PBX1: variants seen among roughly 807,000 people sequenced by gnomAD.
The protein encoded by PBX1 is pre-B-cell leukemia transcription factor 1.
In PBX1, 6 loss-of-function variants were observed where a neutral mutation model predicts 53.4. The ratio of observed to expected loss-of-function variants is 0.11; its 90% CI spans 0.06 to 0.22. PBX1 has a LOEUF of 0.22. PBX1 is among the 10% of genes least tolerant of loss of function. The pLI is 1.00. For synonymous variants in PBX1, 204 were observed against 212.3 expected (o/e 0.96, Z 0.34); for missense variants, 251 against 551.4 (o/e 0.46, Z 5.46).
intron 4 of PBX1, among the ~76,000 whole-genome samples, chr1:164,806,615 G>C (rs1016331604): frequency 6.6e-6 from 1 of 152,188 alleles, no homozygotes; most frequent in African/African-American, 2.4e-5. Context: ...GTTTTGTAGT[G>C]GTCAGACCTG....
intron 2 of PBX1, among the ~76,000 whole-genome samples, chr1:164,878,216 C>T (rs541157373): frequency 6.6e-6 from 1 of 152,046 alleles, no homozygotes; most frequent in Admixed American, 6.5e-5. Flanking sequence ...TGTTTTTTTC[C>T]TCCATAATTA....
chr1:164,864,404 C>G (rs1048076376), intron 2 of PBX1, among the ~76,000 whole-genome samples: 1 of 152,200 alleles, frequency 6.6e-6, no homozygotes, highest in Non-Finnish European at 1.5e-5. Flanking sequence ...GGAGCCCCAG[C>G]CTCTGTTGCC....
chr1:164,568,703 A>T (rs893298384), intron 2 of PBX1, among the ~76,000 whole-genome samples: 1 of 152,214 alleles, frequency 6.6e-6, no homozygotes. Flanking sequence ...GGCTAAAAAA[A>T]ATGTACGTCT....
At chr1:164,815,258 T>C (rs557414170) in intron 6 of PBX1, 1 of 152,370 alleles carries the variant, frequency 6.6e-6, no homozygotes, top group South Asian at 2.1e-4. Flanking sequence ...AGAAATTGAC[T>C]TGTGCATTAC....
intron 2 of PBX1, chr1:164,680,160 A>G (rs1316486642): frequency 2.0e-5 from 3 of 152,228 alleles, no homozygotes; most frequent in Non-Finnish European, 4.4e-5. Flanking sequence ...TGAAAGTGGA[A>G]GGAAAATCTA....
At chr1:164,862,100 C>T (rs1558050943) in intron 2 of PBX1, among the ~76,000 whole-genome samples, 2 of 152,144 alleles carry the variant, frequency 1.3e-5, no homozygotes, top group Admixed American at 1.3e-4. Context: ...GGCAGCAGTG[C>T]TGTGAATAGA....
chr1:164,792,460 C>T (rs1325823010), intron 2 of PBX1, 34 bp from the exon 3 acceptor site: 2 of 1,611,420 alleles, frequency 1.2e-6, no homozygotes, highest in Non-Finnish European at 1.7e-6. Flanking sequence ...TCTTGGGTTA[C>T]TATTAACGCT....
intron 2 of PBX1, among the ~76,000 whole-genome samples, chr1:164,689,881 T>C (rs1041854804): frequency 6.6e-6 from 1 of 152,032 alleles, no homozygotes; most frequent in East Asian, 1.9e-4. Context: ...TTTTCAGTAA[T>C]GCAGTTCCCC....
chr1:164,676,561 T>C (rs1464911513), intron 2 of PBX1, among the ~76,000 whole-genome samples: 7 of 151,890 alleles, frequency 4.6e-5, no homozygotes, highest in Admixed American at 4.6e-4. Flanking sequence ...AAGTGTGGAG[T>C]TTATGGTCAA....
chr1:164,812,656 G>C (rs1457664018), intron 6 of PBX1: 3 of 152,252 alleles, frequency 2.0e-5, no homozygotes, highest in Non-Finnish European at 4.4e-5. Flanking sequence ...GCCAGGCTAT[G>C]AATATTTCTA....
chr1:164,801,622 A>G (rs1652272022), intron 4 of PBX1, among the ~76,000 whole-genome samples: 1 of 152,168 alleles, frequency 6.6e-6, no homozygotes, highest in African/African-American at 2.4e-5. Flanking sequence ...AGGGTTTTGT[A>G]CGCAAGTTTC....
intron 2 of PBX1, among the ~76,000 whole-genome samples, chr1:164,774,231 C>G (rs1361318216): frequency 6.6e-6 from 1 of 152,250 alleles, no homozygotes; most frequent in East Asian, 1.9e-4. Flanking sequence ...CTTTGGGAAG[C>G]TTCAAAAAAT....
At chr1:164,700,254 A>C (rs1262807153) in intron 2 of PBX1, among the ~76,000 whole-genome samples, 2 of 152,154 alleles carry the variant, frequency 1.3e-5, no homozygotes, top group African/African-American at 2.4e-5. Flanking sequence ...CATTCTTAAT[A>C]ACACTGTATT....
Position 164,647,641 on chromosome 1 carries a change from C to G in PBX1, c.265+84330C>G, listed in dbSNP as rs989098848. On this transcript the variant is annotated intron_variant, in intron 2 of 8. Coordinates refer to ENST00000420696, the MANE Select transcript of PBX1 (RefSeq NM_002585.4). ...ATTTTTTTTAATGTTATGCATAAACCTTTCAATAACAAGTATATTTGGTAC... is the reference window on the plus strand; with the variant it reads ...ATTTTTTTTAATGTTATGCATAAACGTTTCAATAACAAGTATATTTGGTAC... Among the ~76,000 whole-genome samples, 13 of 151,964 alleles carry G rather than the reference C, an allele frequency of 8.6e-5. No homozygotes were observed. In the East Asian group the frequency reaches 2.5e-3, roughly 29 times the overall value.
intron 2 of PBX1, among the ~76,000 whole-genome samples, chr1:164,776,942 G>GGAGA (rs377054240): frequency 0.033 from 1,424 of 43,518 alleles, 261 homozygotes; most frequent in Non-Finnish European, 0.043. Flanking sequence ...TGTGGTGGGA[G>GGAGA]GAGAGAGAGA....
chr1:164,846,452 C>A, intron 8 of PBX1, 132 bp from the exon 9 acceptor site: 1 of 766,242 alleles, frequency 1.3e-6, no homozygotes, highest in Non-Finnish European at 2.3e-6. Context: ...GTAATAGTTG[C>A]CCATTTGATG....
chr1:164,634,185 G>T (rs541491803), intron 2 of PBX1, among the ~76,000 whole-genome samples: 2 of 152,298 alleles, frequency 1.3e-5, no homozygotes, highest in African/African-American at 4.8e-5. Flanking sequence ...TGCTCACTGA[G>T]TATTCCCTGT....
chr1:164,783,743 A>G (rs1279261570), intron 2 of PBX1, among the ~76,000 whole-genome samples: 1 of 152,016 alleles, frequency 6.6e-6, no homozygotes, highest in African/African-American at 2.4e-5. Flanking sequence ...TTTTTGTGCC[A>G]TGCTGTGGCA....
intron 2 of PBX1, among the ~76,000 whole-genome samples, chr1:164,618,512 G>A (rs186879182): frequency 6.6e-5 from 10 of 152,242 alleles, no homozygotes; most frequent in Admixed American, 2.6e-4. Context: ...AAGAGTGGAA[G>A]ATAAATTTTT....
Sources: allele counts gnomAD v4.1 joint callset (sites outside exome capture counted in the v4.1 genomes callset), GRCh38; gene constraint gnomAD v4.1.1; transcripts MANE v1.5; gene names NCBI Gene and HGNC (gene_info 2026-07-23, HGNC 2026-07-21).